Variants in CFI observed in about 807,000 individuals in gnomAD.
CFI encodes the protein C3B/C4B inactivator.
Under a neutral mutation model 78.8 loss-of-function variants are expected in CFI, and 66 were observed. The observed-to-expected ratio is 0.84, with a 90% CI of 0.69 to 1.03. The LOEUF (loss-of-function observed/expected upper bound fraction) is 1.03. CFI is among the 50% of genes least tolerant of loss of function. The pLI is 0.00. For missense variants in CFI, 706 were observed against 704.5 expected, an observed-to-expected ratio of 1.00 and a Z score of -0.02; for synonymous variants, 250 against 232.6, an observed-to-expected ratio of 1.07 and a Z score of -0.68.
At chr4:109,801,794 ATTG>A (rs1434688867) in intron 1 of CFI, 118 bp downstream of exon 1, 2 of 665,330 alleles carry the variant, frequency 3.0e-6, no homozygotes, top group Non-Finnish European at 5.2e-6. Flanking sequence ...ATAGAGTGGC[ATTG>A]TTGTAACTGA....
At chr4:109,793,752 T>C (rs1731673777) in intron 1 of CFI, 1 of 152,330 alleles carries the variant, frequency 6.6e-6, no homozygotes, top group African/African-American at 2.4e-5. Flanking sequence ...CTTGAACTCC[T>C]GGGCTTAAGC....
intron 2 of CFI, among the ~76,000 whole-genome samples, chr4:109,766,090 C>T (rs893877908): frequency 1.3e-5 from 2 of 152,086 alleles, no homozygotes; most frequent in African/African-American, 2.4e-5. Flanking sequence ...TGCACTCCAG[C>T]CTGGGCAACA....
At chr4:109,780,315 C>A (rs1432548807) in intron 1 of CFI, among the ~76,000 whole-genome samples, 8 of 152,000 alleles carry the variant, frequency 5.3e-5, no homozygotes, top group Admixed American at 6.6e-5. Flanking sequence ...AATAAAAAAA[C>A]CCCATCAAAA....
intron 7 of CFI, among the ~76,000 whole-genome samples, chr4:109,756,937 GAAAGAAAGAAA>G (rs1726327037): frequency 6.8e-6 from 1 of 147,442 alleles, no homozygotes; most frequent in Non-Finnish European, 1.5e-5. Flanking sequence ...AAGAAAGAAA[GAAAGAAAGAAA>G]GAAAGAAAGA....
At chr4:109,776,863 A>G (rs185726977) in intron 1 of CFI, among the ~76,000 whole-genome samples, 1 of 152,266 alleles carries the variant, frequency 6.6e-6, no homozygotes, top group Non-Finnish European at 1.5e-5. Context: ...TTTCATATCA[A>G]GACAAACTAA....
intron 12 of CFI, chr4:109,741,768 A>G (rs745716576): frequency 6.4e-6 from 1 of 155,608 alleles, no homozygotes; most frequent in Non-Finnish European, 1.4e-5. Context: ...CACTGTAACC[A>G]GTAAGTTATA....
At chr4:109,784,677 A>G (rs1730519232) in intron 1 of CFI, among the ~76,000 whole-genome samples, 1 of 152,152 alleles carries the variant, frequency 6.6e-6, no homozygotes, top group African/African-American at 2.4e-5. Context: ...CTAATCAGAT[A>G]TGACAAGAAG....
At chr4:109,749,123 T>C in intron 10 of CFI, 95 bp downstream of exon 10, 1 of 1,108,006 alleles carries the variant, frequency 9.0e-7, no homozygotes, top group Non-Finnish European at 1.4e-6. Context: ...AGTTTGTCAG[T>C]ACCTTTTTCA....
At chr4:109,771,575 G>A (rs772513582) in intron 1 of CFI, among the ~76,000 whole-genome samples, 3 of 151,202 alleles carry the variant, frequency 2.0e-5, no homozygotes, top group South Asian at 2.1e-4. Context: ...TTAGCCGGGC[G>A]TAGTGGTGTG....
intron 1 of CFI, among the ~76,000 whole-genome samples, chr4:109,784,678 T>C (rs1317687650): frequency 1.3e-5 from 2 of 152,102 alleles, no homozygotes; most frequent in Non-Finnish European, 2.9e-5. Flanking sequence ...TAATCAGATA[T>C]GACAAGAAGT....
In CFI at chr4:109,742,527, C is replaced by T. The variant is rs558749473; in HGVS notation, c.1498G>A (p.Gly500Arg). Residue 500 changes from glycine to arginine, a missense_variant, in exon 12 of 13, where the codon GGA (glycine) becomes AGA (arginine). Transcript: ENST00000394634. The stretch of plus-strand genomic sequence containing the variant: ...ATTTCTTTTTCATAGAAACGATTTC[C>T]GTAAAACTTAGAGCAGTTGCTTATT... ...KLISNCSKFYGNRFYEKEMEC... is the reference protein window; with the variant it reads ...KLISNCSKFYRNRFYEKEMEC... 40 of 1,613,584 alleles carry T rather than the reference C, an allele frequency of 2.5e-5. No homozygotes were observed. The highest frequency in any genetic ancestry group is 1.6e-4 in the Middle Eastern group (1 of 6,062).
intron 1 of CFI, among the ~76,000 whole-genome samples, chr4:109,795,078 T>C (rs1731890140): frequency 6.6e-6 from 1 of 152,092 alleles, no homozygotes; most frequent in South Asian, 2.1e-4. Context: ...AAATTTCACT[T>C]TATAGAGTTA....
At chr4:109,794,914 C>G (rs552657738) in intron 1 of CFI, among the ~76,000 whole-genome samples, 6 of 152,206 alleles carry the variant, frequency 3.9e-5, no homozygotes, top group Admixed American at 3.9e-4. Flanking sequence ...GATGGTGGAA[C>G]AAAATGTCCC....
At chr4:109,756,901 GAAAGAAAGA>G (rs1159027298) in intron 7 of CFI, among the ~76,000 whole-genome samples, 6 of 36,514 alleles carry the variant, frequency 1.6e-4, no homozygotes, top group African/African-American at 5.7e-4. Flanking sequence ...AAGAAAGAAA[GAAAGAAAGA>G]AAGAAAGAAA....
chr4:109,791,807 C>T (rs1212431446), intron 1 of CFI, among the ~76,000 whole-genome samples: 1 of 152,144 alleles, frequency 6.6e-6, no homozygotes, highest in Non-Finnish European at 1.5e-5. Flanking sequence ...GCATTTACTG[C>T]TATACATTTA....
intron 6 of CFI, 45 bp downstream of exon 6, chr4:109,760,225 C>T (rs1474751114): frequency 2.2e-6 from 3 of 1,362,060 alleles, no homozygotes; most frequent in Admixed American, 3.3e-5. Flanking sequence ...TTCAGAATCC[C>T]TGGATTCAAT....
intron 1 of CFI, among the ~76,000 whole-genome samples, chr4:109,797,170 CA>C (rs1321108401): frequency 6.6e-6 from 1 of 152,082 alleles, no homozygotes; most frequent in Non-Finnish European, 1.5e-5. Flanking sequence ...TTCCTGATTT[CA>C]AAAAATATCA....
intron 1 of CFI, among the ~76,000 whole-genome samples, chr4:109,797,551 C>A (rs1732213150): frequency 6.9e-6 from 1 of 144,440 alleles, no homozygotes; most frequent in East Asian, 2.1e-4. Context: ...AAAGCACAGG[C>A]AACAAAAGCA....
intron 8 of CFI, among the ~76,000 whole-genome samples, chr4:109,750,546 T>C (rs938246261): frequency 2.0e-5 from 3 of 152,094 alleles, no homozygotes; most frequent in African/African-American, 2.4e-5. Flanking sequence ...TTCCTCTGTC[T>C]GTGAGCATGC....
Sources: allele counts gnomAD v4.1 joint callset (sites outside exome capture counted in the v4.1 genomes callset), GRCh38; gene constraint gnomAD v4.1.1; transcripts MANE v1.5; gene names NCBI Gene and HGNC (gene_info 2026-07-23, HGNC 2026-07-21).